Variants in SUMF1 observed in about 807,000 individuals in gnomAD.
The protein encoded by SUMF1 is formylglycine-generating enzyme.
Under a neutral mutation model 47.6 loss-of-function variants are expected in SUMF1, and 48 were observed. The observed-to-expected ratio is 1.01, with a 90% CI of 0.80 to 1.28. The LOEUF (loss-of-function observed/expected upper bound fraction) is 1.28, where lower values mean the gene tolerates loss of function less well. Ranked by LOEUF, SUMF1 falls within the 50% of genes most tolerant of loss-of-function variation. The pLI is 0.00. For synonymous variants in SUMF1, 230 were observed against 192.1 expected, an observed-to-expected ratio of 1.20 and a Z score of -1.63; for missense variants, 571 against 485.4, an observed-to-expected ratio of 1.18 and a Z score of -1.66.
intron 8 of SUMF1, among the ~76,000 whole-genome samples, chr3:4,355,476 G>A (rs1699598649): frequency 1.3e-5 from 2 of 151,928 alleles, no homozygotes; most frequent in South Asian, 4.2e-4. Context: ...AAAAATTGTG[G>A]ACTTTGAAAA....
chr3:4,172,510 T>C (rs756338559), intron 8 of SUMF1, among the ~76,000 whole-genome samples: 9 of 152,126 alleles, frequency 5.9e-5, no homozygotes, highest in Non-Finnish European at 1.3e-4. Flanking sequence ...TTATAGCAAC[T>C]CTATAAGAAA....
chr3:4,381,498 AAAAC>A (rs1289051306), intron 7 of SUMF1, among the ~76,000 whole-genome samples: 1 of 152,236 alleles, frequency 6.6e-6, no homozygotes, highest in East Asian at 1.9e-4. Flanking sequence ...TAAAAAAATT[AAAAC>A]AAATAATAAA....
chr3:4,058,610 T>A (rs1695229108), intron 9 of SUMF1, among the ~76,000 whole-genome samples: 3 of 152,146 alleles, frequency 2.0e-5, no homozygotes, highest in Non-Finnish European at 4.4e-5. Flanking sequence ...AGGGAAATCA[T>A]TTAGTAATCA....
chr3:4,224,042 G>A (rs1357769495), intron 8 of SUMF1, among the ~76,000 whole-genome samples: 1 of 152,060 alleles, frequency 6.6e-6, no homozygotes, highest in Non-Finnish European at 1.5e-5. Flanking sequence ...TCAAGGGCAG[G>A]CAAAAGAACC....
chr3:4,383,763 A>T (rs757491292), intron 7 of SUMF1, among the ~76,000 whole-genome samples: 17 of 152,216 alleles, frequency 1.1e-4, no homozygotes, highest in Non-Finnish European at 1.9e-4. Flanking sequence ...AGCGATGTGA[A>T]CATGAAGTGC....
chr3:4,436,637 A>C (rs937051306), intron 3 of SUMF1, among the ~76,000 whole-genome samples: 36 of 152,106 alleles, frequency 2.4e-4, no homozygotes, highest in African/African-American at 7.9e-4. Flanking sequence ...GGGTTAAAGA[A>C]GAAATTATAA....
chr3:4,360,205 C>CTTTTTTTTTTT (rs57690047), downstream of SUMF1, among the ~76,000 whole-genome samples: 5 of 104,140 alleles, frequency 4.8e-5, 2 homozygotes, highest in South Asian at 5.9e-4. Context: ...AATGTTTGTT[C>CTTTTTTTTTTT]TTTTTTTTTT....
intron 8 of SUMF1, among the ~76,000 whole-genome samples, chr3:4,333,411 G>A (rs781297846): frequency 1.3e-5 from 2 of 152,176 alleles, no homozygotes; most frequent in African/African-American, 4.8e-5. Context: ...TCACTCTCCC[G>A]CCTCATCGGG....
intron 8 of SUMF1, among the ~76,000 whole-genome samples, chr3:4,281,794 G>A (rs1697535331): frequency 6.6e-6 from 1 of 152,120 alleles, no homozygotes; most frequent in African/African-American, 2.4e-5. Flanking sequence ...AGAGTGGAAG[G>A]AGTACAGAAA....
In SUMF1 at chr3:4,186,858, C is replaced by T. The variant is rs115263825; in HGVS notation, c.1015-118113G>A. 1.8e-3 allele frequency among the ~76,000 whole-genome samples: 279 copies of T among 152,248 alleles called. 2 individuals are homozygous for T. Among genetic ancestry groups the T allele is most frequent in the African/African-American group, 6.4e-3 (267 of 41,542 alleles). On this transcript the variant is annotated intron_variant and NMD_transcript_variant, in intron 8 of 12. Coordinates refer to the SUMF1 transcript ENST00000448413. ...TGTAATGAGCCACAATCTTCTCTTT[C>T]TTCTCTGTGTTCCTTTGATATAATT...
rs916936001 is a variant in SUMF1, at chr3:4,288,937, A to G, written c.1014+87393T>C. Among the ~76,000 whole-genome samples, 21 of 152,206 alleles carry G rather than the reference A, an allele frequency of 1.4e-4. No homozygotes were observed. The East Asian group carries it at 1.9e-3, about 14-fold the overall frequency. On this transcript the variant is annotated intron_variant and NMD_transcript_variant, in intron 8 of 12. Coordinates refer to the SUMF1 transcript ENST00000448413. ...TTCCTTATTATTTACTGTTTTATCCATGAAAATCAAGAAGGACCTCAAGCC... is the reference window on the plus strand; with the variant it reads ...TTCCTTATTATTTACTGTTTTATCCGTGAAAATCAAGAAGGACCTCAAGCC...
chr3:4,253,871 G>T (rs1486799500), intron 8 of SUMF1, among the ~76,000 whole-genome samples: 34 of 149,264 alleles, frequency 2.3e-4, no homozygotes, highest in East Asian at 1.4e-3. Flanking sequence ...CTGTCTGACA[G>T]CTTTGAAGAG....
At chr3:4,090,534 G>T (rs1167747067) in intron 8 of SUMF1, among the ~76,000 whole-genome samples, 1 of 152,066 alleles carries the variant, frequency 6.6e-6, no homozygotes, top group Non-Finnish European at 1.5e-5. Flanking sequence ...AGAATGAAGG[G>T]ATGAATAAAT....
Position 4,434,854 on chromosome 3 carries a change from C to A in SUMF1, c.519+14412G>T, listed in dbSNP as rs562354477. ...AGAATTGTAACAAGCCCCAGAGACC[C>A]GATACTGGAGGGAAAAGAATATGAA... On this transcript the variant is annotated intron_variant, in intron 3 of 8. Transcript: ENST00000272902. Among the ~76,000 whole-genome samples the A allele has an allele frequency of 2.0e-4, 30 of 152,206 alleles. 1 individual carries two copies. The highest frequency in any genetic ancestry group is 6.3e-4 in the African/African-American group (26 of 41,520).
chr3:4,181,031 A>T (rs368552177), intron 8 of SUMF1, among the ~76,000 whole-genome samples: 7 of 152,170 alleles, frequency 4.6e-5, no homozygotes, highest in African/African-American at 1.7e-4. Context: ...AGCTGGAGTA[A>T]AAATGTATCT....
At chr3:4,129,097 A>C (rs1312131655) in intron 8 of SUMF1, among the ~76,000 whole-genome samples, 1 of 152,126 alleles carries the variant, frequency 6.6e-6, no homozygotes, top group African/African-American at 2.4e-5. Context: ...CCCTCGACCA[A>C]TGCCTTGCAA....
intron 9 of SUMF1, among the ~76,000 whole-genome samples, chr3:4,056,006 T>A (rs1695186312): frequency 6.6e-6 from 1 of 152,190 alleles, no homozygotes; most frequent in Non-Finnish European, 1.5e-5. Flanking sequence ...TCTGATTCTG[T>A]CTTCCAATTC....
chr3:4,303,224 C>A, intron 8 of SUMF1: 2 of 821,550 alleles, frequency 2.4e-6, no homozygotes, highest in South Asian at 2.4e-5. Context: ...CCCAAAAAGT[C>A]AAGGAAGGGA....
intron 8 of SUMF1, among the ~76,000 whole-genome samples, chr3:4,077,803 A>G (rs1692472600): frequency 6.6e-6 from 1 of 152,182 alleles, no homozygotes; most frequent in Non-Finnish European, 1.5e-5. Context: ...CTTAAAGTAT[A>G]ATAAAAAAAA....
Sources: gnomAD v4.1 joint callset for allele counts (sites outside exome capture counted in the v4.1 genomes callset) on GRCh38, gnomAD v4.1.1 for gene constraint, MANE v1.5 for transcripts, NCBI Gene and HGNC (gene_info 2026-07-23, HGNC 2026-07-21) for gene names.